Variants in CEP170 observed in about 807,000 individuals in gnomAD.
The protein encoded by CEP170 is centrosomal protein of 170 kDa.
Under a neutral mutation model 151.9 loss-of-function variants are expected in CEP170, and 21 were observed. That is an observed-to-expected ratio of 0.14 (90% CI 0.10 to 0.20). CEP170 has a LOEUF of 0.20. Ranked by LOEUF, CEP170 falls within the 10% of genes least tolerant of loss-of-function variation. The probability of loss-of-function intolerance (pLI) is 1.00; values close to 1 mark genes in which losing one functional copy is unlikely to be tolerated. For missense variants in CEP170, 964 were observed against 1,892.9 expected, an observed-to-expected ratio of 0.51 and a Z score of 9.11; for synonymous variants, 356 against 648.8, an observed-to-expected ratio of 0.55 and a Z score of 6.86.
At chr1:243,166,264 G>A in intron 12 of CEP170, 148 bp from the exon 13 acceptor site, 4 of 958,974 alleles carry the variant, frequency 4.2e-6, no homozygotes, top group Non-Finnish European at 4.5e-6. Context: ...GGATGCTTGA[G>A]TACCTTATAT....
intron 17 of CEP170, among the ~76,000 whole-genome samples, chr1:243,133,329 TAC>T (rs1463904212): frequency 6.6e-6 from 1 of 152,250 alleles, no homozygotes; most frequent in East Asian, 1.9e-4. Flanking sequence ...ACAAATAACA[TAC>T]AGTCAAAAAT....
chr1:243,201,465 AAAG>A (rs2061024373), intron 4 of CEP170, among the ~76,000 whole-genome samples: 1 of 152,152 alleles, frequency 6.6e-6, no homozygotes, highest in South Asian at 2.1e-4. Context: ...ATTAAACCAA[AAAG>A]AACACTGCCT....
chr1:243,141,232 T>C (rs1038727645), intron 15 of CEP170, among the ~76,000 whole-genome samples: 3 of 151,768 alleles, frequency 2.0e-5, no homozygotes, highest in African/African-American at 2.4e-5. Context: ...GAATAATCAA[T>C]ACCAGGGGCT....
At chr1:243,204,578 A>G (rs2061282802) in intron 4 of CEP170, among the ~76,000 whole-genome samples, 1 of 152,186 alleles carries the variant, frequency 6.6e-6, no homozygotes, top group Non-Finnish European at 1.5e-5. Context: ...TTTCCCACAA[A>G]ATGTGGAAAC....
At chr1:243,217,462 T>C (rs1406838908) in intron 3 of CEP170, among the ~76,000 whole-genome samples, 6 of 152,238 alleles carry the variant, frequency 3.9e-5, no homozygotes, top group African/African-American at 1.2e-4. Context: ...CTCTCTTAAA[T>C]ATTAAGCACC....
chr1:243,225,758 G>A lies in CEP170; in HGVS notation c.-41-437C>T, dbSNP rs149133283. 3.9e-5 allele frequency among the ~76,000 whole-genome samples: 6 copies of A among 152,222 alleles called. No homozygotes were observed. In the East Asian group the frequency reaches 1.2e-3, roughly 29 times the overall value. ...AATTCAGTAAGTATATATGATACCT[G>A]ATTAAGAACTATGTTGACCAAATAA... On this transcript the variant is annotated intron_variant, in intron 1 of 19. Coordinates refer to ENST00000366542, the MANE Select transcript of CEP170 (RefSeq NM_014812.3).
chr1:243,142,553 G>C (rs2055971081), intron 14 of CEP170, 90 bp from the exon 15 acceptor site: 3 of 1,365,126 alleles, frequency 2.2e-6, no homozygotes, highest in Non-Finnish European at 2.9e-6. Flanking sequence ...CATGTAAGTT[G>C]TATATCTAAT....
chr1:243,195,353 G>A (rs983909424), intron 7 of CEP170, among the ~76,000 whole-genome samples: 59 of 152,136 alleles, frequency 3.9e-4, no homozygotes, highest in African/African-American at 1.4e-3. Context: ...AAGCATAGCT[G>A]TAAATAAATT....
In CEP170 at chr1:243,201,726, A is replaced by G. The variant is rs571978569; in HGVS notation, c.275-891T>C. Among the ~76,000 whole-genome samples, 9 of 152,270 alleles carry G rather than the reference A, an allele frequency of 5.9e-5. No homozygotes were observed. In the East Asian group the frequency reaches 1.7e-3, roughly 29 times the overall value. ...ATTCTAGGTTTCTACTTGTTAAAAT[A>G]ATAAAAATTCAGAATTGTAAATATG... On this transcript the variant is annotated intron_variant, in intron 4 of 19. Coordinates refer to ENST00000366542, the MANE Select transcript of CEP170 (RefSeq NM_014812.3).
intron 1 of CEP170, among the ~76,000 whole-genome samples, chr1:243,226,020 C>CTAG (rs2063204641): frequency 7.8e-6 from 1 of 128,650 alleles, no homozygotes; most frequent in African/African-American, 3.6e-5. Flanking sequence ...GATATATATA[C>CTAG]ACACGTATAT....
chr1:243,144,899 C>CAT (rs1232484290), intron 14 of CEP170, among the ~76,000 whole-genome samples: 1 of 152,062 alleles, frequency 6.6e-6, no homozygotes, highest in African/African-American at 2.4e-5. Flanking sequence ...TATGTTTTCC[C>CAT]AAGTGTCAGA....
chr1:243,152,693 A>G, intron 14 of CEP170, among the ~76,000 whole-genome samples: 1 of 148,176 alleles, frequency 6.7e-6, no homozygotes, highest in Non-Finnish European at 1.5e-5. Context: ...CACCATGCCC[A>G]GCTAATTTTT....
In CEP170 at chr1:243,167,019, T is replaced by C. The variant is rs190207418; in HGVS notation, c.1844-903A>G. ...TCTTCTTTCCTCTTAATGTGTTTTATAGAAGGGAAGTTCACTGTGTTCATT... is the reference window on the plus strand; with the variant it reads ...TCTTCTTTCCTCTTAATGTGTTTTACAGAAGGGAAGTTCACTGTGTTCATT... On this transcript the variant is annotated intron_variant, in intron 12 of 19. Coordinates refer to ENST00000366542, the MANE Select transcript of CEP170 (RefSeq NM_014812.3). Among the ~76,000 whole-genome samples the C allele has an allele frequency of 3.3e-5, 5 of 152,274 alleles. No homozygotes were observed. The East Asian group carries it at 9.6e-4, about 29-fold the overall frequency.
chr1:243,158,788 G>A (rs2057791151), intron 13 of CEP170, among the ~76,000 whole-genome samples: 1 of 152,126 alleles, frequency 6.6e-6, no homozygotes, highest in African/African-American at 2.4e-5. Flanking sequence ...TCAGGGGCCG[G>A]GCACAGTGGC....
intron 14 of CEP170, among the ~76,000 whole-genome samples, chr1:243,152,679 G>A (rs927913681): frequency 6.7e-6 from 1 of 150,310 alleles, no homozygotes; most frequent in Non-Finnish European, 1.5e-5. Context: ...CTACAGGCAC[G>A]TACCACCATG....
At chr1:243,246,236 T>A (rs1266148086) in intron 1 of CEP170, among the ~76,000 whole-genome samples, 1 of 145,680 alleles carries the variant, frequency 6.9e-6, no homozygotes, top group Non-Finnish European at 1.5e-5. Context: ...CTTTTTTTTT[T>A]TTTTTTTTTT....
chr1:243,251,660 C>T (rs573752390), intron 1 of CEP170, among the ~76,000 whole-genome samples: 75 of 152,224 alleles, frequency 4.9e-4, no homozygotes, highest in African/African-American at 1.8e-3. Flanking sequence ...TCATTTATTA[C>T]TTATGGATAT....
At chr1:243,224,769 A>G (rs1444052568) in intron 2 of CEP170, among the ~76,000 whole-genome samples, 1 of 152,206 alleles carries the variant, frequency 6.6e-6, no homozygotes, top group African/African-American at 2.4e-5. Context: ...AAAATTGTCA[A>G]CAATCTTCAC....
chr1:243,134,905 G>C (rs2054864827), intron 17 of CEP170, among the ~76,000 whole-genome samples: 1 of 152,050 alleles, frequency 6.6e-6, no homozygotes, highest in African/African-American at 2.4e-5. Flanking sequence ...CTAATTAAGA[G>C]AAAAGATCAA....
Sources: gnomAD v4.1 joint callset for allele counts (sites outside exome capture counted in the v4.1 genomes callset) on GRCh38, gnomAD v4.1.1 for gene constraint, MANE v1.5 for transcripts, NCBI Gene and HGNC (gene_info 2026-07-23, HGNC 2026-07-21) for gene names.